ERN2: variants seen among roughly 807,000 people sequenced by gnomAD.
ERN2 encodes serine/threonine-protein kinase/endoribonuclease IRE2.
ERN2 carries 111 observed loss-of-function variants against 107.9 expected under a neutral mutation model. That is an observed-to-expected ratio of 1.03 (90% CI 0.88 to 1.20). The LOEUF (loss-of-function observed/expected upper bound fraction) is 1.20. Ranked by LOEUF, ERN2 falls within the 50% of genes most tolerant of loss-of-function variation. The pLI is 0.00. For synonymous variants in ERN2, 524 were observed against 501.7 expected (o/e 1.04, Z -0.59); for missense variants, 1,225 against 1,197.9 (o/e 1.02, Z -0.33).
intron 17 of ERN2, among the ~76,000 whole-genome samples, chr16:23,692,581 T>TATA (rs1473621999): frequency 2.6e-5 from 4 of 152,038 alleles, no homozygotes; most frequent in Non-Finnish European, 5.9e-5. Flanking sequence ...TCCTGCAGGG[T>TATA]ATAGGGTTAC....
At chr16:23,705,794 G>A (rs550000717) in intron 7 of ERN2, among the ~76,000 whole-genome samples, 1 of 152,296 alleles carries the variant, frequency 6.6e-6, no homozygotes, top group East Asian at 1.9e-4. Flanking sequence ...CACATCTGCA[G>A]TCCCAGCTAT....
At chr16:23,692,654 G>A (rs542582729) in intron 17 of ERN2, among the ~76,000 whole-genome samples, 2 of 152,288 alleles carry the variant, frequency 1.3e-5, no homozygotes, top group East Asian at 3.9e-4. Context: ...CCTGGCATGG[G>A]TTTTTTCTGC....
chr16:23,690,347 A>G lies in ERN2; in HGVS notation c.*484T>C, dbSNP rs1959532932. On this transcript the variant is annotated 3_prime_UTR_variant, in exon 22 of 22. Transcript: ENST00000256797. ...CTGTCCTTTCCTTGGCTTTATGCAC[A>G]TTAAACAGATGTGAATATTCTTTTT... The G allele has an allele frequency of 1.1e-5, 6 of 545,216 alleles. No individual in the cohort carries two copies. The highest frequency in any genetic ancestry group is 1.9e-5 in the African/African-American group (1 of 53,176). 33.8% of individuals were successfully genotyped at this position (545,216 alleles called of 1,614,324 possible).
intron 20 of ERN2, 45 bp from the exon 21 acceptor site, chr16:23,691,241 C>T (rs1959580260): frequency 6.2e-7 from 1 of 1,612,458 alleles, no homozygotes; most frequent in Admixed American, 1.7e-5. Flanking sequence ...TGCTAGACTC[C>T]CCTCCACCGC....
chr16:23,694,769 T>C lies in ERN2; in HGVS notation c.2059A>G (p.Met687Val). The C allele has an allele frequency of 6.2e-7, 1 of 1,612,160 alleles. No individual in the cohort carries two copies. The highest frequency in any genetic ancestry group is 1.1e-5 in the South Asian group (1 of 90,742). The stretch of plus-strand genomic sequence containing the variant: ...AGGAGCTGCAGAAGCTCGGGCGCCA[T>C]CCAGCCTTCCGTGCCGGGGATGCCG... ...HSGIPGTEGW[M>V]APELLQLLPP... The change falls in exon 17 of 22, where the codon ATG becomes GTG. Residue 687 changes from methionine to valine, a missense_variant. Coordinates refer to ENST00000256797, the MANE Select transcript of ERN2 (RefSeq NM_033266.4).
intron 12 of ERN2, 105 bp downstream of exon 12, chr16:23,700,854 G>C: frequency 6.8e-7 from 1 of 1,480,056 alleles, no homozygotes; most frequent in South Asian, 1.3e-5. Context: ...AGGGAGGCAG[G>C]GGGCAAAATC....
chr16:23,691,395 C>G lies in ERN2; in HGVS notation c.2407G>C (p.Glu803Gln), dbSNP rs773577753. The stretch of plus-strand genomic sequence containing the variant: ...AGTGCCCTCACCAGGGGCTCCTGCT[C>G]GGACTCCTTCTCCAGCCAGTCACTG... ...DVSDWLEKES[E>Q]QEPLVRALEA... Residue 803 changes from glutamate to glutamine, a missense_variant, in exon 20 of 22, where the codon GAG becomes CAG. Coordinates refer to ENST00000256797, the MANE Select transcript of ERN2 (RefSeq NM_033266.4). 1.9e-6 allele frequency: 3 copies of G among 1,600,098 alleles called. No individual in the cohort carries two copies. The highest frequency in any genetic ancestry group is 2.2e-5 in the East Asian group (1 of 44,852).
chr16:23,693,059 G>A (rs550901084), intron 17 of ERN2, among the ~76,000 whole-genome samples: 1 of 151,762 alleles, frequency 6.6e-6, no homozygotes, highest in African/African-American at 2.4e-5. Flanking sequence ...CTGACACCTT[G>A]TAATCCCAGC....
At chr16:23,712,799 C>T (rs1190618337) in intron 1 of ERN2, 2 of 380,468 alleles carry the variant, frequency 5.3e-6, no homozygotes, top group Non-Finnish European at 4.7e-6. Context: ...GGCTTTCGTG[C>T]CCAGGTGCCC....
intron 11 of ERN2, 61 bp from the exon 12 acceptor site, chr16:23,701,175 C>G (rs34963264): frequency 6.4e-7 from 1 of 1,555,054 alleles, no homozygotes; most frequent in Non-Finnish European, 8.7e-7. Flanking sequence ...CCTAACTTTT[C>G]TTCATCACCC....
In ERN2 at chr16:23,706,636, T is replaced by C. The variant is rs1363837337; in HGVS notation, c.487+118A>G. The C allele has an allele frequency of 7.4e-6, 6 of 810,054 alleles. No homozygotes were observed. In the East Asian group the frequency reaches 9.7e-5, roughly 13 times the overall value. 50.2% of individuals were successfully genotyped at this position (810,054 alleles called of 1,614,324 possible). A position where few individuals can be genotyped will look rare whatever the true frequency, so the allele number is the denominator to read the frequency against. On this transcript the variant is annotated intron_variant, in intron 6 of 21. Transcript: ENST00000256797. ...CCTAGTTCAGTGCTCTGTAGAATGT[T>C]TGTTGATGACTAACAGACTGACTGT...
intron 13 of ERN2, among the ~76,000 whole-genome samples, chr16:23,697,867 C>T (rs1959893616): frequency 6.6e-6 from 1 of 152,142 alleles, no homozygotes; most frequent in Admixed American, 6.5e-5. Context: ...AGCAATCCTC[C>T]TGCCTCAGCC....
In ERN2 at chr16:23,710,500, C is replaced by A; in HGVS notation, c.233+16G>T. 6.2e-7 allele frequency: 1 copy of A among 1,613,870 alleles called. No homozygotes were observed. Among genetic ancestry groups the A allele is most frequent in the Non-Finnish European group, 8.5e-7 (1 of 1,179,730 alleles). ...TCCCAGAAGCCTCCTCCTTAAAAGGCCCCAGGTTCACTTACTCTGTGACGT... is the reference window on the plus strand; with the variant it reads ...TCCCAGAAGCCTCCTCCTTAAAAGGACCCAGGTTCACTTACTCTGTGACGT... On this transcript the variant is annotated intron_variant, in intron 3 of 21. Coordinates refer to ENST00000256797, the MANE Select transcript of ERN2 (RefSeq NM_033266.4).
chr16:23,697,543 C>T (rs1475879634), intron 13 of ERN2, among the ~76,000 whole-genome samples: 1 of 152,124 alleles, frequency 6.6e-6, no homozygotes, highest in Non-Finnish European at 1.5e-5. Flanking sequence ...GCTCTCAGTA[C>T]TCTCGGCATG....
rs779801514 is a variant in ERN2 at position 23,691,977 on chromosome 16, G to A, written c.2362C>T (p.Leu788Phe). 1.7e-5 allele frequency: 28 copies of A among 1,612,842 alleles called. No homozygotes were observed. The South Asian group carries it at 2.7e-4, about 16-fold the overall frequency. The change falls in exon 19 of 22, where the codon CTC (leucine) becomes TTC (phenylalanine). Residue 788 changes from leucine (L) to phenylalanine (F), a missense_variant. Coordinates refer to ENST00000256797, the MANE Select transcript of ERN2 (RefSeq NM_033266.4). The part of the protein sequence containing the change: ...HPFFWSRAKQ[L>F]QFFQDVSDWL... ...TTCCTTCTGACCTGGAAGAACTGGA[G>A]TTGCTTGGCTCTGCTCCAAAAGAAG... is the stretch of plus-strand genomic sequence containing the variant.
chr16:23,700,659 G>A lies in ERN2; in HGVS notation c.1405C>T (p.Pro469Ser), dbSNP rs2141012721. 6.2e-7 allele frequency: 1 copy of A among 1,614,076 alleles called. No homozygotes were observed. Among genetic ancestry groups the A allele is most frequent in the South Asian group, 1.1e-5 (1 of 91,080 alleles). The stretch of plus-strand genomic sequence containing the variant: ...TGGGAGATGTGAGCAAAGTCTGCAG[G>A]TGCCAGGGGGGTCTCCTGCTGCTTC... ...VEKQQETPLAPADFAHISQDA... is the reference protein window; with the variant it reads ...VEKQQETPLASADFAHISQDA... The change falls in exon 13 of 22, where the codon CCT (proline) becomes TCT (serine). Residue 469 changes from proline (P) to serine (S), a missense_variant. Physicochemically the swap from Pro to Ser is moderately conservative, Grantham distance 74. Transcript: ENST00000256797.
intron 14 of ERN2, among the ~76,000 whole-genome samples, 172 bp downstream of exon 14, chr16:23,695,722 C>CAAAAAAAAA (rs57103138): frequency 5.3e-5 from 2 of 37,386 alleles, no homozygotes; most frequent in African/African-American, 9.6e-5. Context: ...GAGCAAGACT[C>CAAAAAAAAA]AAAAAAAAAA....
chr16:23,690,999 G>A lies in ERN2; in HGVS notation c.2613C>T (p.Leu871=), dbSNP rs753843060. ...RELPVEVRQA[L]GQVPDGFVQY... is the part of the protein sequence containing the mutation. ...GGACGAAGCCATCAGGGACTTGGCC[G>A]AGTGCCTGTCGCACCTCAACTGGGA... The change falls in exon 22 of 22, where the codon CTC becomes CTT. Residue 871 remains leucine (L), a synonymous_variant. Transcript: ENST00000256797. 36 of 1,614,058 alleles carry A rather than the reference G, an allele frequency of 2.2e-5. No homozygotes were observed. Among genetic ancestry groups the A allele is most frequent in the Admixed American group, 6.7e-5 (4 of 60,004 alleles).
Position 23,694,821 on chromosome 16 carries a change from A to G in ERN2, c.2007T>C (p.Ala669=). The G allele has an allele frequency of 6.2e-7, 1 of 1,613,954 alleles. No individual in the cohort carries two copies. Among genetic ancestry groups the G allele is most frequent in the East Asian group, 2.2e-5 (1 of 44,896 alleles). ...AGTGGAGGCTGAAGCTACAGCGGCC[A>G]GCAGGCAGCTTCTTGCAGAGGCCGA... ...SDFGLCKKLP[A]GRCSFSLHSG... Residue 669 remains alanine (A), a synonymous_variant, in exon 17 of 22, where the codon GCT becomes GCC. Coordinates refer to ENST00000256797, the MANE Select transcript of ERN2 (RefSeq NM_033266.4).
Sources: gnomAD v4.1 joint callset for allele counts (sites outside exome capture counted in the v4.1 genomes callset) on GRCh38, gnomAD v4.1.1 for gene constraint, MANE v1.5 for transcripts, NCBI Gene and HGNC (gene_info 2026-07-23, HGNC 2026-07-21) for gene names.